Variants in XPO6 observed in about 807,000 individuals in gnomAD.
The protein encoded by XPO6 is exportin-6.
In XPO6, 3 loss-of-function variants were observed where a neutral mutation model predicts 130.0. That is an observed-to-expected ratio of 0.02 (90% CI 0.01 to 0.06). The LOEUF (loss-of-function observed/expected upper bound fraction) is 0.06, where lower values mean the gene tolerates loss of function less well. XPO6 is among the 10% of genes least tolerant of loss of function. The pLI, the probability that XPO6 is intolerant of heterozygous loss-of-function variation, is 1.00. For missense variants in XPO6, 970 were observed against 1,393.0 expected (o/e 0.70, Z 4.83); for synonymous variants, 524 against 548.9 (o/e 0.95, Z 0.63).
chr16:28,207,024 A>G (rs958518563), intron 1 of XPO6, among the ~76,000 whole-genome samples: 2 of 152,146 alleles, frequency 1.3e-5, no homozygotes, highest in Admixed American at 1.3e-4. Context: ...AGGTGGGCAG[A>G]TCATCTGAGG....
intron 1 of XPO6, among the ~76,000 whole-genome samples, chr16:28,208,794 A>G (rs2044076250): frequency 6.6e-6 from 1 of 152,240 alleles, no homozygotes; most frequent in Non-Finnish European, 1.5e-5. Context: ...AAGTTTCCCA[A>G]GGGGAGGAAT....
chr16:28,190,682 A>T (rs2043771836), intron 1 of XPO6, among the ~76,000 whole-genome samples: 2 of 152,244 alleles, frequency 1.3e-5, no homozygotes, highest in African/African-American at 4.8e-5. Flanking sequence ...GTAGTAGGTT[A>T]GATCAAAGTA....
intron 6 of XPO6, among the ~76,000 whole-genome samples, chr16:28,160,156 G>C (rs1567630462): frequency 7.6e-6 from 1 of 130,962 alleles, no homozygotes; most frequent in African/African-American, 3.0e-5. Flanking sequence ...CTGCACTCCA[G>C]CCTGGGCAAC....
chr16:28,188,320 TAGG>T (rs1198681607), intron 1 of XPO6, among the ~76,000 whole-genome samples: 2 of 152,264 alleles, frequency 1.3e-5, no homozygotes, highest in African/African-American at 4.8e-5. Context: ...TATAATCTAC[TAGG>T]AGGTGAATCA....
Position 28,177,201 on chromosome 16 carries a change from A to G in XPO6, c.207+19T>C, listed in dbSNP as rs565221099. 4.5e-6 allele frequency: 7 copies of G among 1,550,824 alleles called. No individual in the cohort carries two copies. The African/African-American group carries it at 5.5e-5, about 12-fold the overall frequency. ...TACAAAATCCTTTTCAGAAGAGTAT[A>G]AAATTACTGACAACTTACCTCAAAA... On this transcript the variant is annotated intron_variant, in intron 3 of 23. Coordinates refer to ENST00000304658, the MANE Select transcript of XPO6 (RefSeq NM_015171.4).
intron 21 of XPO6, among the ~76,000 whole-genome samples, chr16:28,102,504 G>A (rs952147822): frequency 2.0e-5 from 3 of 152,190 alleles, no homozygotes; most frequent in East Asian, 1.9e-4. Context: ...TTGGGAAGCC[G>A]AGGTGGGCGG....
chr16:28,142,989 G>C (rs1041529603), intron 9 of XPO6, among the ~76,000 whole-genome samples: 1 of 152,218 alleles, frequency 6.6e-6, no homozygotes, highest in Admixed American at 6.5e-5. Context: ...GGGATTACAA[G>C]AATGAGCAAT....
At chr16:28,181,657 T>C (rs1293849086) in intron 1 of XPO6, among the ~76,000 whole-genome samples, 1 of 152,028 alleles carries the variant, frequency 6.6e-6, no homozygotes, top group Non-Finnish European at 1.5e-5. Context: ...GGACTACAAG[T>C]GTGAGTCATT....
At chr16:28,153,711 G>C in intron 7 of XPO6, 1 of 985,334 alleles carries the variant, frequency 1.0e-6, no homozygotes, top group Non-Finnish European at 1.2e-6. Flanking sequence ...TCACATTTCA[G>C]AGACCAACAC....
intron 9 of XPO6, among the ~76,000 whole-genome samples, chr16:28,137,112 C>T (rs245735): frequency 0.054 from 8,216 of 152,336 alleles, 567 homozygotes; most frequent in East Asian, 0.17. Flanking sequence ...ATTCCCAGAA[C>T]TAGTATCGTG....
At chr16:28,100,955 G>C (rs1245618999) in intron 23 of XPO6, 1 of 232,972 alleles carries the variant, frequency 4.3e-6, no homozygotes, top group Non-Finnish European at 8.6e-6. Flanking sequence ...CTCCTCCCAG[G>C]ACCTGGCAGC....
chr16:28,144,873 T>G (rs1052883731), intron 9 of XPO6, among the ~76,000 whole-genome samples: 3 of 152,184 alleles, frequency 2.0e-5, no homozygotes, highest in African/African-American at 7.2e-5. Flanking sequence ...CAAGTACCCC[T>G]AGGTAGGAAC....
intron 5 of XPO6, 31 bp downstream of exon 5, chr16:28,169,719 C>T: frequency 2.5e-6 from 4 of 1,610,470 alleles, no homozygotes; most frequent in Non-Finnish European, 3.4e-6. Flanking sequence ...GCGGGCAGGC[C>T]TCTATCTCTG....
chr16:28,167,327 C>T, intron 5 of XPO6: 7 of 985,426 alleles, frequency 7.1e-6, no homozygotes, highest in South Asian at 4.7e-5. Context: ...AATCCTTTTT[C>T]GTTCCTCATG....
At chr16:28,205,639 A>G (rs1245389420) in intron 1 of XPO6, among the ~76,000 whole-genome samples, 1 of 152,100 alleles carries the variant, frequency 6.6e-6, no homozygotes, top group Non-Finnish European at 1.5e-5. Flanking sequence ...AGTATTAAAT[A>G]TTACCCTGGA....
intron 12 of XPO6, among the ~76,000 whole-genome samples, chr16:28,129,821 A>C (rs1220564417): frequency 1.3e-5 from 2 of 152,248 alleles, no homozygotes; most frequent in Non-Finnish European, 2.9e-5. Context: ...TAACCAGAAA[A>C]GTTAAAGGGT....
chr16:28,131,297 C>T (rs1157184965), intron 12 of XPO6, among the ~76,000 whole-genome samples: 1 of 152,160 alleles, frequency 6.6e-6, no homozygotes, highest in Non-Finnish European at 1.5e-5. Context: ...CAAGGACAGC[C>T]TCGGAAAAAG....
intron 1 of XPO6, among the ~76,000 whole-genome samples, chr16:28,186,903 A>G (rs188905557): frequency 6.6e-6 from 1 of 152,316 alleles, no homozygotes; most frequent in Non-Finnish European, 1.5e-5. Context: ...TGGAGAAATG[A>G]GAATTCAATA....
At chr16:28,148,930 C>T (rs2043032317) in intron 8 of XPO6, among the ~76,000 whole-genome samples, 1 of 151,774 alleles carries the variant, frequency 6.6e-6, no homozygotes, top group African/African-American at 2.4e-5. Context: ...GTAATCCCAG[C>T]TACTCAGGAG....
Sources: gnomAD v4.1 joint callset for allele counts (sites outside exome capture counted in the v4.1 genomes callset) on GRCh38, gnomAD v4.1.1 for gene constraint, MANE v1.5 for transcripts, NCBI Gene and HGNC (gene_info 2026-07-23, HGNC 2026-07-21) for gene names.